Variants in ZNF507 observed in about 807,000 individuals in gnomAD.
ZNF507 encodes the protein zinc finger protein 507.
ZNF507 carries 29 observed loss-of-function variants against 80.0 expected under a neutral mutation model. That is an observed-to-expected ratio of 0.36 (90% CI 0.27 to 0.49). ZNF507 has a LOEUF of 0.49. Ranked by LOEUF, ZNF507 falls within the 20% of genes least tolerant of loss-of-function variation. ZNF507 has a pLI of 0.98. For synonymous variants in ZNF507, 462 were observed against 422.5 expected, an observed-to-expected ratio of 1.09 and a Z score of -1.15; for missense variants, 1,081 against 1,152.2, an observed-to-expected ratio of 0.94 and a Z score of 0.90.
At chr19:32,375,047 C>T (rs1223046844) in intron 5 of ZNF507, among the ~76,000 whole-genome samples, 3 of 151,844 alleles carry the variant, frequency 2.0e-5, no homozygotes, top group Non-Finnish European at 2.9e-5. Flanking sequence ...TAAGTGCCTC[C>T]TGAGTATGGC....
chr19:32,353,541 G>A lies in ZNF507; in HGVS notation c.711G>A (p.Arg237=), dbSNP rs1967201951. 1.9e-6 allele frequency: 3 copies of A among 1,614,118 alleles called. No homozygotes were observed. The highest frequency in any genetic ancestry group is 3.3e-5 in the Admixed American group (2 of 60,016). Residue 237 remains arginine (R), a synonymous_variant, in exon 3 of 7, where the codon AGG becomes AGA. Coordinates refer to ENST00000355898, the MANE Select transcript of ZNF507 (RefSeq NM_001136156.2). ...CATCTGTGGCAGAAATGGGTAGGAG[G>A]AAATGGTATGCATACGAACAGTACG... is the stretch of plus-strand genomic sequence containing the variant. ...QTASVAEMGR[R]KWYAYEQYGM...
chr19:32,365,764 A>T (rs1967390222), intron 5 of ZNF507, among the ~76,000 whole-genome samples: 1 of 152,134 alleles, frequency 6.6e-6, no homozygotes, highest in Non-Finnish European at 1.5e-5. Flanking sequence ...ATACAACTGT[A>T]CTGTGCTTAG....
chr19:32,355,108 A>T, intron 3 of ZNF507, 151 bp downstream of exon 3: 1 of 730,492 alleles, frequency 1.4e-6, no homozygotes, highest in African/African-American at 1.8e-5. Flanking sequence ...ATCCCAACTT[A>T]CCAGTATTAA....
rs1783492703 is a variant in ZNF507 at position 32,354,874 on chromosome 19, A to G, written c.2044A>G (p.Lys682Glu). Reference sequence around the variant, plus strand: ...CTGCGAGCACATAGCGGACAACAGCAAAGATTTGGAGAGTCACATGATCCA... The same window carrying G: ...CTGCGAGCACATAGCGGACAACAGCGAAGATTTGGAGAGTCACATGATCCA... ...PICEHIADNSKDLESHMIHHC... is the reference protein window; with the variant it reads ...PICEHIADNSEDLESHMIHHC... The change falls in exon 3 of 7, where the codon AAA (lysine) becomes GAA (glutamate). Residue 682 changes from lysine to glutamate, a missense_variant. Physicochemically the swap from Lys to Glu is moderately conservative, Grantham distance 56 (BLOSUM62 1). Coordinates refer to ENST00000355898, the MANE Select transcript of ZNF507 (RefSeq NM_001136156.2). 1.2e-6 allele frequency: 2 copies of G among 1,614,064 alleles called. No individual in the cohort carries two copies. Among genetic ancestry groups the G allele is most frequent in the African/African-American group, 2.7e-5 (2 of 74,940 alleles).
intron 5 of ZNF507, 62 bp from the exon 6 acceptor site, chr19:32,382,405 T>C: frequency 6.3e-7 from 1 of 1,582,176 alleles, no homozygotes; most frequent in Non-Finnish European, 8.6e-7. Flanking sequence ...TACAGAATCA[T>C]GATAATTTTT....
Position 32,382,870 on chromosome 19 carries a change from G to C in ZNF507, c.2649G>C (p.Leu883=). The C allele has an allele frequency of 1.9e-6, 3 of 1,614,072 alleles. No homozygotes were observed. Among genetic ancestry groups the C allele is most frequent in the African/African-American group, 2.7e-5 (2 of 75,020 alleles). Residue 883 remains leucine (L), a synonymous_variant, in exon 7 of 7, where the codon CTG becomes CTC. Coordinates refer to ENST00000355898, the MANE Select transcript of ZNF507 (RefSeq NM_001136156.2). ...EVLGTNENEK[L]SPTSNTSYSL... is the part of the protein sequence containing the mutation. The stretch of plus-strand genomic sequence containing the variant: ...TGGGTACCAACGAGAATGAGAAACT[G>C]AGCCCTACAAGTAATACCTCATATA...
At chr19:32,377,046 A>G (rs1429184215) in intron 5 of ZNF507, among the ~76,000 whole-genome samples, 1 of 152,172 alleles carries the variant, frequency 6.6e-6, no homozygotes, top group African/African-American at 2.4e-5. Context: ...GCAGACTAGG[A>G]GCGTGGCCAC....
chr19:32,364,369 A>G (rs145644673), intron 5 of ZNF507, among the ~76,000 whole-genome samples: 1 of 152,208 alleles, frequency 6.6e-6, no homozygotes, highest in East Asian at 1.9e-4. Context: ...GTTGAGGTAC[A>G]GGTGGTGTTT....
At chr19:32,364,176 A>G (rs546784261) in intron 5 of ZNF507, among the ~76,000 whole-genome samples, 24 of 152,344 alleles carry the variant, frequency 1.6e-4, no homozygotes, top group Admixed American at 3.9e-4. Context: ...CCAGAAAAAA[A>G]GAGAGCTGTT....
chr19:32,385,492 A>G lies in ZNF507; in HGVS notation c.*2409A>G, dbSNP rs1967676781. 1 of 152,250 alleles carries G rather than the reference A, an allele frequency of 6.6e-6. No individual in the cohort carries two copies. Among genetic ancestry groups the G allele is most frequent in the Non-Finnish European group, 1.5e-5 (1 of 68,048 alleles). 9.4% of individuals were successfully genotyped at this position (152,250 alleles called of 1,614,324 possible). ...CTAAAAGTAATAATGAAGATTATGC[A>G]ATTCTAACTGTAGAAGAGATAGCTA... On this transcript the variant is annotated 3_prime_UTR_variant, in exon 7 of 7. Coordinates refer to ENST00000355898, the MANE Select transcript of ZNF507 (RefSeq NM_001136156.2).
intron 5 of ZNF507, among the ~76,000 whole-genome samples, chr19:32,373,243 C>A (rs1967498546): frequency 6.6e-6 from 1 of 151,472 alleles, no homozygotes; most frequent in Non-Finnish European, 1.5e-5. Flanking sequence ...TCAGATCATA[C>A]CACTCACATT....
intron 1 of ZNF507, among the ~76,000 whole-genome samples, chr19:32,346,762 G>A (rs1286998240): frequency 6.6e-6 from 1 of 152,204 alleles, no homozygotes; most frequent in Non-Finnish European, 1.5e-5. Context: ...CAGTGGCAAA[G>A]AAATGTAGGA....
In ZNF507 at chr19:32,364,840, G is replaced by T. The variant is rs11671712; in HGVS notation, c.2360+4222G>T. 7.3e-3 allele frequency among the ~76,000 whole-genome samples: 1,109 copies of T among 152,268 alleles called. 5 individuals are homozygous for T. Among genetic ancestry groups the T allele is most frequent in the Non-Finnish European group, 0.011 (756 of 68,012 alleles). ...TTCCAATAATGACTTCTTTTCCTGG[G>T]ATTGCTGGATCAAATGGTAGTTCTA... On this transcript the variant is annotated intron_variant, in intron 5 of 6. Coordinates refer to ENST00000355898, the MANE Select transcript of ZNF507 (RefSeq NM_001136156.2).
chr19:32,367,726 C>T (rs1197193301), intron 5 of ZNF507, among the ~76,000 whole-genome samples: 1 of 151,910 alleles, frequency 6.6e-6, no homozygotes, highest in East Asian at 1.9e-4. Flanking sequence ...TAATATGGCA[C>T]TAAAGCTAAA....
At chr19:32,378,786 T>C (rs1043273779) in intron 5 of ZNF507, among the ~76,000 whole-genome samples, 1 of 152,194 alleles carries the variant, frequency 6.6e-6, no homozygotes, top group Admixed American at 6.5e-5. Flanking sequence ...CTCAAAAATA[T>C]GAAATTCTTG....
At chr19:32,351,207 C>A (rs906507517) in intron 2 of ZNF507, among the ~76,000 whole-genome samples, 3 of 151,742 alleles carry the variant, frequency 2.0e-5, no homozygotes, top group African/African-American at 7.3e-5. Context: ...CAGCTAGTAG[C>A]CAAGAGAAAA....
rs780190629 is a variant in ZNF507 at position 32,354,506 on chromosome 19, A to G, written c.1676A>G (p.Gln559Arg). The G allele has an allele frequency of 3.1e-6, 5 of 1,614,106 alleles. No individual in the cohort carries two copies. ...TCAGATGGATTAACTAGTCTTAACC[A>G]AAGCAACTCCACCTTGGTAGCACTC... ...NSSDGLTSLN[Q>R]SNSTLVALPE... is the part of the protein sequence containing the mutation. Residue 559 changes from glutamine (Q) to arginine (R), a missense_variant, in exon 3 of 7, where the codon CAA becomes CGA. Physicochemically the swap from Gln to Arg is conservative, Grantham distance 43. Coordinates refer to ENST00000355898, the MANE Select transcript of ZNF507 (RefSeq NM_001136156.2).
intron 5 of ZNF507, among the ~76,000 whole-genome samples, chr19:32,370,128 G>A (rs150184384): frequency 2.0e-4 from 30 of 152,352 alleles, no homozygotes; most frequent in South Asian, 6.2e-4. Flanking sequence ...GCGCGTGCAC[G>A]TCACGTTTTC....
intron 5 of ZNF507, among the ~76,000 whole-genome samples, chr19:32,362,345 C>A (rs1339613538): frequency 6.6e-6 from 1 of 152,172 alleles, no homozygotes; most frequent in African/African-American, 2.4e-5. Flanking sequence ...CATACCGTGC[C>A]AGATTCATGT....
Sources: gnomAD v4.1 joint callset for allele counts (sites outside exome capture counted in the v4.1 genomes callset) on GRCh38, gnomAD v4.1.1 for gene constraint, MANE v1.5 for transcripts, NCBI Gene and HGNC (gene_info 2026-07-23, HGNC 2026-07-21) for gene names.